The following SULT1E1 variants were observed in gnomAD, a reference collection of about 807,000 sequenced individuals.
The protein encoded by SULT1E1 is sulfotransferase family 1E member 1.
A neutral mutation model predicts 33.6 loss-of-function variants in SULT1E1; 36 were observed. The observed-to-expected ratio is 1.07, with a 90% CI of 0.82 to 1.41. The LOEUF is 1.41. SULT1E1 is among the 40% of genes most tolerant of loss of function. SULT1E1 has a pLI of 0.00. For synonymous variants in SULT1E1, 121 were observed against 111.7 expected (o/e 1.08, Z -0.53); for missense variants, 371 against 345.7 (o/e 1.07, Z -0.58).
At chr4:69,842,262 T>G (rs901340594) in intron 7 of SULT1E1, among the ~76,000 whole-genome samples, 156 bp from the exon 8 acceptor site, 6 of 152,228 alleles carry the variant, frequency 3.9e-5, no homozygotes, top group Non-Finnish European at 8.8e-5. Context: ...TATACTTTTT[T>G]GGGCTTACAA....
chr4:69,859,981 A>G (rs1324455095), intron 1 of SULT1E1, 68 bp downstream of exon 1: 2 of 152,072 alleles, frequency 1.3e-5, no homozygotes, highest in African/African-American at 4.8e-5. Context: ...TTTGTAATAC[A>G]TAATTTTCAT....
At chr4:69,827,287 TC>T in the SULT1E1 span, among the ~76,000 whole-genome samples, 1 of 152,116 alleles carries the variant, frequency 6.6e-6, no homozygotes, top group Non-Finnish European at 1.5e-5. Context: ...GATATCTTAG[TC>T]AAGTAAATGA....
the SULT1E1 span, among the ~76,000 whole-genome samples, chr4:69,824,496 C>T: frequency 3.9e-5 from 6 of 152,126 alleles, no homozygotes; most frequent in African/African-American, 1.4e-4. Flanking sequence ...TTTGTGGCTT[C>T]ACATAATGGT....
At chr4:69,857,741 T>G in intron 1 of SULT1E1, 88 bp from the exon 2 acceptor site, 1 of 1,209,094 alleles carries the variant, frequency 8.3e-7, no homozygotes, top group Non-Finnish European at 1.1e-6. Context: ...CCCTCCTACA[T>G]ACCTAGCACT....
rs563836609 is a variant in SULT1E1, at chr4:69,853,698, C to A, written c.369+519G>T. On this transcript the variant is annotated intron_variant, in intron 4 of 7. Transcript: ENST00000226444. ...GAAGACAAGGCTTGCATGTGTCTTA[C>A]TCTTATGTCCCTAACACATAATAGG... Among the ~76,000 whole-genome samples, 5 of 152,242 alleles carry A rather than the reference C, an allele frequency of 3.3e-5. 1 individual carries two copies. In the South Asian group the frequency reaches 1.0e-3, roughly 32 times the overall value.
At chr4:69,858,010 G>T (rs1721283404) in intron 1 of SULT1E1, among the ~76,000 whole-genome samples, 1 of 151,926 alleles carries the variant, frequency 6.6e-6, no homozygotes, top group Non-Finnish European at 1.5e-5. Flanking sequence ...AGACAAAGAG[G>T]TCCAGAATTA....
In SULT1E1 at chr4:69,854,315, C is replaced by A; in HGVS notation, c.272-1G>T. Reference sequence around the variant, plus strand: ...TTCATCTCATCTAATTGTTTTACTCCTGATTTTTAAAAAAGTAAAGGTTAA... The same window carrying A: ...TTCATCTCATCTAATTGTTTTACTCATGATTTTTAAAAAAGTAAAGGTTAA... On this transcript the variant is annotated splice_acceptor_variant, in intron 3 of 7. Transcript: ENST00000226444. LOFTEE classifies it high-confidence loss of function. 6.3e-7 allele frequency: 1 copy of A among 1,594,810 alleles called. No individual in the cohort carries two copies. The highest frequency in any genetic ancestry group is 1.3e-5 in the African/African-American group (1 of 74,478).
intron 4 of SULT1E1, among the ~76,000 whole-genome samples, chr4:69,852,777 A>G (rs1199102427): frequency 2.0e-5 from 3 of 152,162 alleles, no homozygotes; most frequent in Non-Finnish European, 4.4e-5. Flanking sequence ...AGTCTTTGAT[A>G]AACTCTGAAA....
intron 4 of SULT1E1, among the ~76,000 whole-genome samples, chr4:69,852,225 A>G (rs1337953857): frequency 1.3e-5 from 2 of 152,122 alleles, no homozygotes; most frequent in African/African-American, 2.4e-5. Context: ...CCTTGCTTTA[A>G]CTGAAGATTT....
At chr4:69,833,170 T>C in the SULT1E1 span, among the ~76,000 whole-genome samples, 1 of 152,220 alleles carries the variant, frequency 6.6e-6, no homozygotes, top group African/African-American at 2.4e-5. Context: ...TGATACTTGG[T>C]TTCCTCATCT....
the SULT1E1 span, among the ~76,000 whole-genome samples, chr4:69,832,410 G>C: frequency 1.9e-4 from 29 of 152,188 alleles, no homozygotes; most frequent in Non-Finnish European, 2.6e-4. Context: ...GAGAGACCTC[G>C]GAGTAAAGCA....
chr4:69,847,816 G>C, intron 5 of SULT1E1, 24 bp from the exon 6 acceptor site: 1 of 1,491,270 alleles, frequency 6.7e-7, no homozygotes, highest in African/African-American at 1.4e-5. Flanking sequence ...GAAAAACAGT[G>C]TAAAAGTGGT....
the SULT1E1 span, among the ~76,000 whole-genome samples, chr4:69,832,411 G>C: frequency 7.2e-5 from 11 of 152,206 alleles, no homozygotes; most frequent in Non-Finnish European, 1.6e-4. Context: ...AGAGACCTCG[G>C]AGTAAAGCAG....
chr4:69,823,518 T>C, the SULT1E1 span, among the ~76,000 whole-genome samples: 1 of 152,122 alleles, frequency 6.6e-6, no homozygotes, highest in African/African-American at 2.4e-5. Context: ...GCCTTTCTAT[T>C]TCCTTTAGCC....
chr4:69,828,763 A>G, the SULT1E1 span, among the ~76,000 whole-genome samples: 4 of 152,334 alleles, frequency 2.6e-5, no homozygotes, highest in African/African-American at 9.6e-5. Flanking sequence ...CTTATATAGA[A>G]GCCTAAACAC....
At chr4:69,855,186 A>T in intron 3 of SULT1E1, 115 bp downstream of exon 3, 1 of 1,067,370 alleles carries the variant, frequency 9.4e-7, no homozygotes, top group Non-Finnish European at 1.3e-6. Flanking sequence ...ATGCTGTCTT[A>T]TGTAGAAGAC....
At chr4:69,854,020 T>G (rs1721179243) in intron 4 of SULT1E1, among the ~76,000 whole-genome samples, 197 bp downstream of exon 4, 1 of 152,154 alleles carries the variant, frequency 6.6e-6, no homozygotes, top group African/African-American at 2.4e-5. Context: ...CTGGACTTTT[T>G]AGAACCACAT....
At chr4:69,842,746 C>A (rs922702484) in intron 7 of SULT1E1, among the ~76,000 whole-genome samples, 6 of 152,108 alleles carry the variant, frequency 3.9e-5, no homozygotes, top group Non-Finnish European at 7.3e-5. Flanking sequence ...TGTTTCTCAT[C>A]TGGGTAATTA....
chr4:69,849,456 C>A lies in SULT1E1; in HGVS notation c.477G>T (p.Glu159Asp), dbSNP rs200323054. 59 of 1,610,308 alleles carry A rather than the reference C, an allele frequency of 3.7e-5. No individual in the cohort carries two copies. The highest frequency in any genetic ancestry group is 2.8e-4 in the Admixed American group (17 of 59,792). Residue 159 changes from glutamate to aspartate, a missense_variant, in exon 5 of 8, where the codon GAG becomes GAT. Coordinates refer to ENST00000226444, the MANE Select transcript of SULT1E1 (RefSeq NM_005420.3). Reference sequence around the variant, plus strand: ...TCCTACCCTGTCCTTGCATGAATTTCTCCACAAACTCTGGAAAGGATCCAG... The same window carrying A: ...TCCTACCCTGTCCTTGCATGAATTTATCCACAAACTCTGGAAAGGATCCAG... ...PNPGSFPEFV[E>D]KFMQGQVPYG...
Sources: gnomAD v4.1 joint callset for allele counts (sites outside exome capture counted in the v4.1 genomes callset) on GRCh38, gnomAD v4.1.1 for gene constraint, MANE v1.5 for transcripts, NCBI Gene and HGNC (gene_info 2026-07-23, HGNC 2026-07-21) for gene names.